The following FDXR variants were observed in gnomAD, a reference collection of about 807,000 sequenced individuals.
The protein encoded by FDXR is NADPH:adrenodoxin oxidoreductase, mitochondrial.
Under a neutral mutation model 58.3 loss-of-function variants are expected in FDXR, and 38 were observed. That is an observed-to-expected ratio of 0.65 (90% CI 0.50 to 0.85). The LOEUF is 0.85. FDXR is among the 40% of genes least tolerant of loss of function. The pLI, the probability that FDXR is intolerant of heterozygous loss-of-function variation, is 0.00. For synonymous variants in FDXR, 275 were observed against 273.8 expected (o/e 1.00, Z -0.04); for missense variants, 624 against 671.0 (o/e 0.93, Z 0.77).
chr17:74,868,522 G>A, intron 2 of FDXR: 4 of 1,479,142 alleles, frequency 2.7e-6, no homozygotes, highest in Non-Finnish European at 2.7e-6. Flanking sequence ...TCGGCCTAGA[G>A]GTCAACACCT....
chr17:74,869,379 G>T (rs1346504798), intron 2 of FDXR, among the ~76,000 whole-genome samples: 1 of 152,148 alleles, frequency 6.6e-6, no homozygotes, highest in African/African-American at 2.4e-5. Flanking sequence ...ACACCTCCCA[G>T]CGAAACCTGC....
intron 2 of FDXR, chr17:74,869,984 G>A (rs34589184): frequency 2.2e-6 from 1 of 453,236 alleles, no homozygotes; most frequent in South Asian, 1.6e-5. Context: ...TGCTTTGCAG[G>A]TTGTCATGAG....
At chr17:74,865,532 T>C (rs1215858583) in intron 6 of FDXR, among the ~76,000 whole-genome samples, 187 bp downstream of exon 6, 2 of 151,738 alleles carry the variant, frequency 1.3e-5, no homozygotes, top group East Asian at 3.9e-4. Flanking sequence ...GTGCAGAAAG[T>C]GAAGGGAAAA....
intron 1 of FDXR, 143 bp downstream of exon 1, chr17:74,872,723 A>T (rs755061951): frequency 1.3e-5 from 19 of 1,510,604 alleles, no homozygotes; most frequent in Non-Finnish European, 1.6e-5. Flanking sequence ...CCACCCCCGT[A>T]CACCACCGGG....
At chr17:74,866,049 C>T in intron 5 of FDXR, 82 bp downstream of exon 5, 1 of 1,132,136 alleles carries the variant, frequency 8.8e-7, no homozygotes, top group Non-Finnish European at 1.3e-6. Flanking sequence ...CACTGGATGG[C>T]AGCTCCCTCT....
chr17:74,863,926 T>G lies in FDXR; in HGVS notation c.1144A>C (p.Asn382His), dbSNP rs2038064981. ...PFDSKLGVIP[N>H]VEGRVMDVPG... ...ACATCCATAACCCGGCCCTCCACAT[T>G]GGGGATGACCCCAAGCTTGGAGTCA... is the stretch of plus-strand genomic sequence containing the variant. Residue 382 changes from asparagine to histidine, a missense_variant, in exon 10 of 12, where the codon AAT becomes CAT. Asn to His is a moderately conservative substitution (Grantham distance 68). Transcript: ENST00000293195. 4.3e-6 allele frequency: 7 copies of G among 1,613,582 alleles called. No homozygotes were observed. In the East Asian group the frequency reaches 1.3e-4, roughly 31 times the overall value.
intron 7 of FDXR, 128 bp downstream of exon 7, chr17:74,864,696 G>A (rs891340953): frequency 3.6e-5 from 53 of 1,456,278 alleles, no homozygotes; most frequent in Non-Finnish European, 4.6e-5. Flanking sequence ...GGGCCCCCGG[G>A]GCCCTGACTG....
rs142894506 is a variant in FDXR at position 74,865,692 on chromosome 17, C to T, written c.609+27G>A. 4.4e-3 allele frequency: 6,854 copies of T among 1,545,096 alleles called. 15 individuals carry two copies. Among genetic ancestry groups the T allele is most frequent in the Non-Finnish European group, 5.4e-3 (6,071 of 1,133,260 alleles). On this transcript the variant is annotated intron_variant, in intron 6 of 11. Coordinates refer to ENST00000293195, the MANE Select transcript of FDXR (RefSeq NM_024417.5). Reference sequence around the variant, plus strand: ...CTCCTCAGGGTGACCCCACCTCCAACCCCGCCAGCCCTGACCTACCACTCA... The same window carrying T: ...CTCCTCAGGGTGACCCCACCTCCAATCCCGCCAGCCCTGACCTACCACTCA...
chr17:74,863,023 C>T (rs1439985597), intron 11 of FDXR, 53 bp downstream of exon 11: 1 of 1,601,820 alleles, frequency 6.2e-7, no homozygotes, highest in East Asian at 2.2e-5. Flanking sequence ...GAGTGAGGCC[C>T]AGAGAAGGAC....
intron 2 of FDXR, 177 bp from the exon 3 acceptor site, chr17:74,867,053 G>T (rs1444469979): frequency 5.0e-6 from 7 of 1,399,038 alleles, no homozygotes; most frequent in Non-Finnish European, 6.6e-6. Flanking sequence ...GCGCCTGTCA[G>T]CCCAGCACTT....
At chr17:74,872,306 A>AC in intron 1 of FDXR, 173 bp from the exon 2 acceptor site, 1 of 1,533,838 alleles carries the variant, frequency 6.5e-7, no homozygotes, top group South Asian at 1.2e-5. Flanking sequence ...CTTCATCTGA[A>AC]CCCCCAAAGG....
At chr17:74,872,806 A>G (rs941459656) in intron 1 of FDXR, 60 bp downstream of exon 1, 4 of 1,539,694 alleles carry the variant, frequency 2.6e-6, no homozygotes, top group South Asian at 1.2e-5. Flanking sequence ...TCCGACCCCT[A>G]CTCAGCGCTC....
At position 74,868,388 on chromosome 17, in the gene FDXR, G is replaced by A. The variant is rs1162804990; in HGVS notation, c.178-1512C>T. 1.2e-4 allele frequency: 83 copies of A among 688,114 alleles called. 2 individuals are homozygous for A. The Admixed American group carries it at 1.7e-3, about 14-fold the overall frequency. The allele number at this position is 688,114 out of a possible 1,614,324, so 42.6% of individuals were successfully genotyped here. ...TAAATGAGTAATCAGGCAGCCCGGGGTGCAACCTACTCTGAGTGTTCAATC... is the reference window on the plus strand; with the variant it reads ...TAAATGAGTAATCAGGCAGCCCGGGATGCAACCTACTCTGAGTGTTCAATC... On this transcript the variant is annotated intron_variant, in intron 2 of 11. Transcript: ENST00000293195.
intron 3 of FDXR, 89 bp from the exon 4 acceptor site, chr17:74,866,657 AGGAGGGAAGCTGGGTGGCATG>A: frequency 6.2e-7 from 1 of 1,600,084 alleles, no homozygotes; most frequent in Non-Finnish European, 8.6e-7. Context: ...CTGTGTCCCC[AGGAGGGAAGCTGGGTGGCATG>A]GGCACAGACG....
Position 74,864,014 on chromosome 17 carries a change from A to G in FDXR, c.1056T>C (p.Pro352=). 1 of 1,614,042 alleles carries G rather than the reference A, an allele frequency of 6.2e-7. No individual in the cohort carries two copies. The highest frequency in any genetic ancestry group is 2.2e-5 in the East Asian group (1 of 44,876). Residue 352 remains proline, a synonymous_variant, in exon 10 of 12, where the codon CCT becomes CCC. Transcript: ENST00000293195. ...CAATGCTGCTGAGCACCAGCCCACA[A>G]GGGAGGTCTTCCATGTCTCCCGTGG... ...AVPTGDMEDL[P]CGLVLSSIGY... is the part of the protein sequence containing the mutation.
intron 6 of FDXR, among the ~76,000 whole-genome samples, chr17:74,865,236 C>A (rs2038136214): frequency 6.6e-6 from 1 of 152,168 alleles, no homozygotes; most frequent in Non-Finnish European, 1.5e-5. Context: ...GGAGCAGGCC[C>A]TCTCAGAGCT....
intron 10 of FDXR, among the ~76,000 whole-genome samples, chr17:74,863,527 T>C (rs1037222878): frequency 5.9e-5 from 9 of 152,226 alleles, no homozygotes; most frequent in African/African-American, 1.9e-4. Context: ...AGGCCCTTGG[T>C]AAATGTTTAC....
At chr17:74,869,455 G>A (rs372798966) in intron 2 of FDXR, among the ~76,000 whole-genome samples, 48 of 152,150 alleles carry the variant, frequency 3.2e-4, no homozygotes, top group African/African-American at 1.2e-3. Context: ...TCTCAGCCTC[G>A]GCTCTCACCT....
At chr17:74,870,105 G>C (rs34615400) in intron 2 of FDXR, 8,953 of 381,098 alleles carry the variant, frequency 0.023, 387 homozygotes, top group African/African-American at 0.11. Context: ...GGAGCTCCCT[G>C]TGGGCAAAGA....
Sources: gnomAD v4.1 joint callset for allele counts (sites outside exome capture counted in the v4.1 genomes callset) on GRCh38, gnomAD v4.1.1 for gene constraint, MANE v1.5 for transcripts, NCBI Gene and HGNC (gene_info 2026-07-23, HGNC 2026-07-21) for gene names.